ANK3: variants seen among roughly 807,000 people sequenced by gnomAD.
The protein encoded by ANK3 is ankyrin 3.
In ANK3, 57 loss-of-function variants were observed where a neutral mutation model predicts 370.9. That is an observed-to-expected ratio of 0.15 (90% CI 0.12 to 0.19). ANK3 has a LOEUF of 0.19. Ranked by LOEUF, ANK3 falls within the 10% of genes least tolerant of loss-of-function variation. ANK3 has a pLI of 1.00. For missense variants in ANK3, 4,439 were observed against 5,302.1 expected, an observed-to-expected ratio of 0.84 and a Z score of 5.06; for synonymous variants, 1,929 against 1,946.3, an observed-to-expected ratio of 0.99 and a Z score of 0.23.
intron 1 of ANK3, among the ~76,000 whole-genome samples, chr10:60,654,821 T>C (rs1462557008): frequency 6.6e-6 from 1 of 152,222 alleles, no homozygotes. Context: ...TTCCTTCCTC[T>C]ATTTTCTCAA....
At chr10:60,596,056 TATCATGTACAGC>T (rs1458500593) in intron 2 of ANK3, among the ~76,000 whole-genome samples, 1 of 152,144 alleles carries the variant, frequency 6.6e-6, no homozygotes, top group African/African-American at 2.4e-5. Flanking sequence ...ACGCCTGCAG[TATCATGTACAGC>T]ATCCCTGCTA....
chr10:60,173,323 A>G (rs2095844112), intron 18 of ANK3, 137 bp from the exon 19 acceptor site: 5 of 636,734 alleles, frequency 7.9e-6, no homozygotes. Context: ...TCTATATTAA[A>G]AAAATTGCCC....
At chr10:60,269,387 T>C (rs2097927413) in intron 5 of ANK3, among the ~76,000 whole-genome samples, 2 of 152,164 alleles carry the variant, frequency 1.3e-5, no homozygotes, top group Non-Finnish European at 2.9e-5. Flanking sequence ...GGCTCACACT[T>C]GTAATCCCAG....
At chr10:60,584,753 T>C (rs972551560) in intron 2 of ANK3, among the ~76,000 whole-genome samples, 1 of 152,202 alleles carries the variant, frequency 6.6e-6, no homozygotes, top group Admixed American at 6.5e-5. Context: ...TCCTGAATTT[T>C]CCTTCCTTCC....
intron 6 of ANK3, among the ~76,000 whole-genome samples, chr10:60,263,125 C>T (rs747325184): frequency 3.0e-4 from 46 of 152,120 alleles, no homozygotes; most frequent in Non-Finnish European, 4.9e-4. Context: ...TATATATATA[C>T]CTCTGTTGTT....
At chr10:60,547,834 T>C (rs1001843573) in intron 2 of ANK3, among the ~76,000 whole-genome samples, 1 of 152,178 alleles carries the variant, frequency 6.6e-6, no homozygotes, top group Non-Finnish European at 1.5e-5. Flanking sequence ...CAAAGTAGTA[T>C]GAAACCCTGT....
chr10:60,351,499 T>A (rs2056863082), intron 1 of ANK3, among the ~76,000 whole-genome samples: 1 of 152,286 alleles, frequency 6.6e-6, no homozygotes, highest in East Asian at 1.9e-4. Context: ...GACTGCTCCA[T>A]CCCAGGGCAG....
chr10:60,425,394 C>T (rs1219197469), intron 2 of ANK3, among the ~76,000 whole-genome samples: 4 of 152,094 alleles, frequency 2.6e-5, no homozygotes, highest in South Asian at 2.1e-4. Flanking sequence ...TATTGGAATA[C>T]GTAGTGATTC....
intron 25 of ANK3, among the ~76,000 whole-genome samples, chr10:60,121,690 CAAA>C (rs56258116): frequency 0.019 from 2,740 of 142,226 alleles, 48 homozygotes; most frequent in African/African-American, 0.049. Context: ...GACCCTTTCT[CAAA>C]AAAAAAAAAA....
At chr10:60,520,392 G>A (rs779519344) in intron 2 of ANK3, among the ~76,000 whole-genome samples, 1 of 151,918 alleles carries the variant, frequency 6.6e-6, no homozygotes, top group Non-Finnish European at 1.5e-5. Context: ...AACCATTAAC[G>A]AACCTGCACA....
chr10:60,082,276 T>C, intron 34 of ANK3, 100 bp from the exon 35 acceptor site: 1 of 1,060,488 alleles, frequency 9.4e-7, no homozygotes, highest in Non-Finnish European at 1.4e-6. Flanking sequence ...GGAGCACAAA[T>C]GCAAGCTGAT....
intron 23 of ANK3, chr10:60,140,748 T>C (rs1370254497): frequency 1.8e-6 from 2 of 1,097,112 alleles, no homozygotes; most frequent in Non-Finnish European, 2.2e-6. Context: ...TGCAAGCCCC[T>C]GAGTTATTTG....
intron 1 of ANK3, among the ~76,000 whole-genome samples, chr10:60,342,932 A>T (rs918696996): frequency 2.0e-5 from 3 of 152,316 alleles, no homozygotes; most frequent in African/African-American, 7.2e-5. Flanking sequence ...TGAGTTCTAC[A>T]GTCGTGTGTT....
chr10:60,718,276 T>C (rs1356657793), intron 1 of ANK3, among the ~76,000 whole-genome samples: 1 of 152,266 alleles, frequency 6.6e-6, no homozygotes, highest in Non-Finnish European at 1.5e-5. Flanking sequence ...TGTTGGTATT[T>C]ACCTGAACAT....
intron 2 of ANK3, among the ~76,000 whole-genome samples, chr10:60,434,850 G>T (rs1434445449): frequency 6.6e-6 from 1 of 152,146 alleles, no homozygotes; most frequent in Non-Finnish European, 1.5e-5. Flanking sequence ...ACTCAGTGAG[G>T]TTTTATTTTT....
At chr10:60,030,351 T>C (rs879312190) in intron 43 of ANK3, among the ~76,000 whole-genome samples, 9 of 151,876 alleles carry the variant, frequency 5.9e-5, no homozygotes, top group East Asian at 1.9e-4. Flanking sequence ...ACTATGTTAG[T>C]CAGGATGGTC....
At position 60,210,384 on chromosome 10, in the gene ANK3, CG is replaced by C. The variant is rs543171007; in HGVS notation, c.997-2152del. On this transcript the variant is annotated intron_variant, in intron 9 of 43. Coordinates refer to ENST00000280772, the MANE Select transcript of ANK3 (RefSeq NM_020987.5). ...GAAGACATTTGAGTTGAAGAATATA[CG>C]GGGACCACAGAGATCTGGAACAAGC... Among the ~76,000 whole-genome samples the C allele has an allele frequency of 4.7e-4, 72 of 151,998 alleles. 1 individual carries two copies. Among genetic ancestry groups the C allele is most frequent in the African/African-American group, 1.5e-3 (64 of 41,468 alleles).
chr10:60,128,293 G>A (rs2093876758), intron 25 of ANK3, among the ~76,000 whole-genome samples: 2 of 152,138 alleles, frequency 1.3e-5, no homozygotes, highest in Admixed American at 1.3e-4. Context: ...GCAATCTGGA[G>A]CCAGATGGCC....
chr10:60,659,611 A>T (rs1450673412), intron 1 of ANK3, among the ~76,000 whole-genome samples: 1 of 152,160 alleles, frequency 6.6e-6, no homozygotes, highest in Non-Finnish European at 1.5e-5. Context: ...CACTGTACAT[A>T]TAAACATTTT....
Sources: allele counts gnomAD v4.1 joint callset (sites outside exome capture counted in the v4.1 genomes callset), GRCh38; gene constraint gnomAD v4.1.1; transcripts MANE v1.5; gene names NCBI Gene and HGNC (gene_info 2026-07-23, HGNC 2026-07-21).